TGFBR3: variants seen among roughly 807,000 people sequenced by gnomAD.
The protein encoded by TGFBR3 is transforming growth factor beta receptor 3.
TGFBR3 carries 46 observed loss-of-function variants against 87.9 expected under a neutral mutation model. The ratio of observed to expected loss-of-function variants is 0.52; its 90% confidence interval spans 0.41 to 0.67. The LOEUF (loss-of-function observed/expected upper bound fraction) is 0.67, where lower values mean the gene tolerates loss of function less well. Ranked by LOEUF, TGFBR3 falls within the 30% of genes least tolerant of loss-of-function variation. The pLI, the probability that TGFBR3 is intolerant of heterozygous loss-of-function variation, is 0.00. For missense variants in TGFBR3, 866 were observed against 1,041.9 expected (o/e 0.83, Z 2.32); for synonymous variants, 381 against 391.6 (o/e 0.97, Z 0.32).
At chr1:91,837,050 C>T (rs180842536) in intron 2 of TGFBR3, among the ~76,000 whole-genome samples, 1 of 152,158 alleles carries the variant, frequency 6.6e-6, no homozygotes, top group African/African-American at 2.4e-5. Flanking sequence ...CATCAAATTG[C>T]CTTTCATTTA....
chr1:91,701,446 GA>G, intron 14 of TGFBR3, among the ~76,000 whole-genome samples: 1 of 152,232 alleles, frequency 6.6e-6, no homozygotes, highest in African/African-American at 2.4e-5. Flanking sequence ...TTGGTTTAAG[GA>G]TAAGATTAAG....
exon 1 of TGFBR3, chr1:91,905,916 G>A (rs1027223213): frequency 2.0e-5 from 3 of 152,182 alleles, no homozygotes; most frequent in Admixed American, 1.3e-4. Flanking sequence ...AAGACCATGC[G>A]CAGCTTCAGG....
At chr1:91,842,397 A>T (rs531711212) in intron 2 of TGFBR3, among the ~76,000 whole-genome samples, 50 of 152,316 alleles carry the variant, frequency 3.3e-4, no homozygotes, top group Middle Eastern at 3.4e-3. Flanking sequence ...ACACAGCCTC[A>T]ATCCACTTCA....
chr1:91,754,640 G>A (rs1013587988), intron 4 of TGFBR3, among the ~76,000 whole-genome samples: 7 of 152,094 alleles, frequency 4.6e-5, no homozygotes, highest in African/African-American at 1.7e-4. Flanking sequence ...GCTGTGAGGG[G>A]GTGAGAAGGA....
chr1:91,715,300 T>C (rs1472157209), intron 12 of TGFBR3, among the ~76,000 whole-genome samples: 1 of 152,220 alleles, frequency 6.6e-6, no homozygotes, highest in Non-Finnish European at 1.5e-5. Context: ...TTATGTTTTC[T>C]CCCCTTTCAA....
At chr1:91,856,557 C>T (rs577114414) in intron 2 of TGFBR3, among the ~76,000 whole-genome samples, 5 of 152,310 alleles carry the variant, frequency 3.3e-5, no homozygotes, top group African/African-American at 9.6e-5. Flanking sequence ...GCTCAATTTA[C>T]GTGCTCCCTT....
rs140438237 is a variant in TGFBR3, at chr1:91,904,048, G to A, written c.-175+1778C>T. Among the ~76,000 whole-genome samples, 141 of 152,130 alleles carry A rather than the reference G, an allele frequency of 9.3e-4. 1 individual carries two copies. The highest frequency in any genetic ancestry group is 2.7e-3 in the African/African-American group (113 of 41,534). ...AAAAATTAGCCAGGCCTGGTGGCGC[G>A]TTCCTATAATCTGTAATCCCAGCTA... is the stretch of plus-strand genomic sequence containing the variant. On this transcript the variant is annotated intron_variant, in intron 1 of 17. Transcript: ENST00000370399.
At chr1:91,795,076 T>C (rs1675325823) in intron 3 of TGFBR3, among the ~76,000 whole-genome samples, 1 of 152,200 alleles carries the variant, frequency 6.6e-6, no homozygotes, top group Non-Finnish European at 1.5e-5. Context: ...ATTCTGATGT[T>C]ATCCTCTATG....
intron 2 of TGFBR3, among the ~76,000 whole-genome samples, chr1:91,811,101 A>G (rs1243236631): frequency 6.6e-6 from 1 of 152,212 alleles, no homozygotes; most frequent in Non-Finnish European, 1.5e-5. Context: ...GTTTGAGCCC[A>G]TAAGTTTGAG....
intron 2 of TGFBR3, among the ~76,000 whole-genome samples, chr1:91,842,926 C>G (rs1372501426): frequency 1.3e-5 from 2 of 152,260 alleles, no homozygotes; most frequent in East Asian, 3.9e-4. Flanking sequence ...AGGGAGAGCA[C>G]TTCTTATCCA....
intron 2 of TGFBR3, among the ~76,000 whole-genome samples, chr1:91,837,461 G>T (rs535785872): frequency 2.0e-5 from 3 of 152,170 alleles, no homozygotes; most frequent in Admixed American, 1.3e-4. Context: ...GGCCAGGCTG[G>T]TCTCAAACTC....
chr1:91,831,524 G>A (rs944778677), intron 2 of TGFBR3, among the ~76,000 whole-genome samples: 2 of 152,220 alleles, frequency 1.3e-5, no homozygotes, highest in Non-Finnish European at 2.9e-5. Context: ...AAATGGAAAT[G>A]AAAGGTCCCT....
In TGFBR3 at chr1:91,681,061, T is replaced by C. The variant is rs749712255; in HGVS notation, c.*2678A>G. ...CAAACAACAAAATGGCCTCTGCAAA[T>C]TAAGGGTGTAGCCTGCAGAAATAAC... On this transcript the variant is annotated 3_prime_UTR_variant, in exon 17 of 17. Coordinates refer to ENST00000212355, the MANE Select transcript of TGFBR3 (RefSeq NM_003243.5). 138 of 453,890 alleles carry C rather than the reference T, an allele frequency of 3.0e-4. No homozygotes were observed. In the Middle Eastern group the frequency reaches 3.4e-3, roughly 11 times the overall value. 28.1% of individuals were successfully genotyped at this position (453,890 alleles called of 1,614,324 possible). A position where few individuals can be genotyped will look rare whatever the true frequency, so the allele number is the denominator to read the frequency against.
intron 3 of TGFBR3, among the ~76,000 whole-genome samples, chr1:91,769,254 C>A (rs2100927442): frequency 6.6e-6 from 1 of 152,310 alleles, no homozygotes; most frequent in South Asian, 2.1e-4. Context: ...CCCACTAAAA[C>A]CACAGCTGCT....
At chr1:91,895,097 T>C (rs1404895522) in intron 2 of TGFBR3, among the ~76,000 whole-genome samples, 3 of 152,132 alleles carry the variant, frequency 2.0e-5, no homozygotes, top group African/African-American at 7.2e-5. Flanking sequence ...GGTGTTATCA[T>C]CCAGACTCAT....
At chr1:91,748,773 T>G (rs1469339119) in intron 4 of TGFBR3, among the ~76,000 whole-genome samples, 1 of 151,966 alleles carries the variant, frequency 6.6e-6, no homozygotes, top group Non-Finnish European at 1.5e-5. Context: ...TACTGAGTAC[T>G]TACTAAGCAC....
chr1:91,893,448 T>C (rs1176235804), intron 2 of TGFBR3, among the ~76,000 whole-genome samples: 9 of 152,078 alleles, frequency 5.9e-5, no homozygotes, highest in Non-Finnish European at 1.3e-4. Flanking sequence ...CATGCCCGGT[T>C]AATTGTTGTA....
intron 2 of TGFBR3, among the ~76,000 whole-genome samples, chr1:91,837,000 C>T (rs757682641): frequency 6.6e-6 from 1 of 152,106 alleles, no homozygotes; most frequent in Admixed American, 6.6e-5. Flanking sequence ...ATACTACTGG[C>T]TTCCCCTCCC....
chr1:91,691,749 A>G (rs1017835881), intron 16 of TGFBR3, among the ~76,000 whole-genome samples: 1 of 152,246 alleles, frequency 6.6e-6, no homozygotes, highest in Non-Finnish European at 1.5e-5. Context: ...CGGTTCAGAC[A>G]GGAGCAGGTC....
Sources: gnomAD v4.1 joint callset for allele counts (sites outside exome capture counted in the v4.1 genomes callset) on GRCh38, gnomAD v4.1.1 for gene constraint, MANE v1.5 for transcripts, NCBI Gene and HGNC (gene_info 2026-07-23, HGNC 2026-07-21) for gene names.